RABEP1: variants seen among roughly 807,000 people sequenced by gnomAD.
RABEP1 encodes the protein rabaptin, RAB GTPase binding effector protein 1, also known as rab GTPase-binding effector protein 1.
In RABEP1, 51 loss-of-function variants were observed where a neutral mutation model predicts 123.4. The ratio of observed to expected loss-of-function variants is 0.41; its 90% CI spans 0.33 to 0.52. RABEP1 has a LOEUF of 0.52. Among genes scored for constraint, RABEP1 ranks in the 20% least tolerant of loss-of-function variants. The pLI is 0.16. For missense variants in RABEP1, 888 were observed against 996.3 expected (o/e 0.89, Z 1.46); for synonymous variants, 347 against 355.2 (o/e 0.98, Z 0.26).
At chr17:5,376,691 GTAAA>G (rs1439175285) in intron 13 of RABEP1, among the ~76,000 whole-genome samples, 4 of 152,156 alleles carry the variant, frequency 2.6e-5, no homozygotes, top group South Asian at 2.1e-4. Context: ...AAGTGAGTAA[GTAAA>G]TAAATGTTAT....
In RABEP1 at chr17:5,288,036, T is replaced by C. The variant is rs550342776; in HGVS notation, c.34+5516T>C. On this transcript the variant is annotated intron_variant, in intron 1 of 17. Transcript: ENST00000537505. ...ATTTTGAAAGTATGGCCAACAGGAT[T>C]TGCTGACGGATTGAATATGGGATGC... Among the ~76,000 whole-genome samples the C allele has an allele frequency of 2.6e-5, 4 of 152,168 alleles. No homozygotes were observed. In the East Asian group the frequency reaches 5.8e-4, roughly 22 times the overall value.
chr17:5,347,405 A>G (rs914975317), intron 6 of RABEP1, among the ~76,000 whole-genome samples: 5 of 141,486 alleles, frequency 3.5e-5, no homozygotes, highest in African/African-American at 1.4e-4. Flanking sequence ...GCGAGACTTC[A>G]TCTCAAAACA....
intron 2 of RABEP1, among the ~76,000 whole-genome samples, chr17:5,319,156 C>G (rs983686237): frequency 9.2e-5 from 14 of 151,578 alleles, no homozygotes; most frequent in Admixed American, 2.0e-4. Flanking sequence ...ATGGTGAAAC[C>G]CCGTCTCTGC....
chr17:5,350,728 C>A, intron 7 of RABEP1, 99 bp downstream of exon 7: 1 of 1,308,616 alleles, frequency 7.6e-7, no homozygotes, highest in East Asian at 2.5e-5. Context: ...ACTTAAGCTG[C>A]AACAAGGTGA....
intron 2 of RABEP1, among the ~76,000 whole-genome samples, chr17:5,328,668 AAAAG>A (rs1367055004): frequency 1.3e-5 from 2 of 148,822 alleles, no homozygotes; most frequent in Admixed American, 1.3e-4. Flanking sequence ...AAAAAAAAAA[AAAAG>A]CCGGGCGCAG....
intron 4 of RABEP1, among the ~76,000 whole-genome samples, chr17:5,337,671 T>C (rs944965452): frequency 1.3e-5 from 2 of 152,124 alleles, no homozygotes; most frequent in East Asian, 3.8e-4. Flanking sequence ...CCAGCCTGGG[T>C]GACAGAGCGA....
rs1449726281 is a variant in RABEP1 at position 5,346,815 on chromosome 17, A to C, written c.674A>C (p.Glu225Ala). The C allele has an allele frequency of 1.3e-6, 2 of 1,577,742 alleles. No homozygotes were observed. The highest frequency in any genetic ancestry group is 1.7e-6 in the Non-Finnish European group (2 of 1,159,528). Residue 225 changes from glutamate (E) to alanine (A), a missense_variant, in exon 6 of 18, where the codon GAA becomes GCA. Glu to Ala is a moderately radical substitution (Grantham distance 107). Transcript: ENST00000537505. ...SKVKELNHYL[E>A]AEKSCRTDLE... ...GTTAAAGAACTGAATCATTATCTGG[A>C]AGCTGAGAAATCTTGTAGGACTGAT...
Position 5,381,473 on chromosome 17 carries a change from AGG to A in RABEP1, c.2457_2458del (p.Asp820PhefsTer19), listed in dbSNP as rs1365558186. 1 of 1,613,728 alleles carries A rather than the reference AGG, an allele frequency of 6.2e-7. No individual in the cohort carries two copies. Among genetic ancestry groups the A allele is most frequent in the East Asian group, 2.2e-5 (1 of 44,826 alleles). On this transcript the variant is annotated frameshift_variant, in exon 17 of 18. Transcript: ENST00000537505. LOFTEE classifies it high-confidence loss of function. ...ATTAGATGTCAGTGAGCAAGTCCAGAGGGATTTTGTAAAGCTTTCACAGACCC... is the reference window on the plus strand; with the variant it reads ...ATTAGATGTCAGTGAGCAAGTCCAGAGATTTTGTAAAGCTTTCACAGACCC... ...TELDVSEQVQ[R>X]DFVKLSQTLQ...
At chr17:5,306,538 G>C (rs2075181072) in intron 1 of RABEP1, among the ~76,000 whole-genome samples, 1 of 151,874 alleles carries the variant, frequency 6.6e-6, no homozygotes, top group Non-Finnish European at 1.5e-5. Context: ...TGAGGCAGAA[G>C]AATTGCTTGA....
chr17:5,287,318 A>G (rs565419947), intron 1 of RABEP1, among the ~76,000 whole-genome samples: 1 of 152,230 alleles, frequency 6.6e-6, no homozygotes, highest in East Asian at 1.9e-4. Flanking sequence ...TGTGCCTGAC[A>G]AACAGTATAC....
intron 5 of RABEP1, among the ~76,000 whole-genome samples, chr17:5,345,729 G>A (rs1295496881): frequency 1.3e-5 from 2 of 152,100 alleles, no homozygotes; most frequent in African/African-American, 4.8e-5. Flanking sequence ...GGTCATTTAA[G>A]TCTTTGACTA....
In RABEP1 at chr17:5,368,420, GT is replaced by G; in HGVS notation, c.1838del (p.Leu613TyrfsTer19). 1 of 1,613,834 alleles carries G rather than the reference GT, an allele frequency of 6.2e-7. No homozygotes were observed. Among genetic ancestry groups the G allele is most frequent in the Non-Finnish European group, 8.5e-7 (1 of 1,179,934 alleles). On this transcript the variant is annotated frameshift_variant, in exon 12 of 18. Transcript: ENST00000537505. LOFTEE classifies it high-confidence loss of function. ...AGGCCTCCGAGATCTTACTTGAAGA[GT>G]TACAGCAGGGGCTTTCCCAGGCAAA... ...AQASEILLEE[L>X]QQGLSQAKRD...
intron 8 of RABEP1, chr17:5,356,477 A>G (rs1909027390): frequency 5.9e-6 from 1 of 168,456 alleles, no homozygotes; most frequent in Non-Finnish European, 1.3e-5. Flanking sequence ...TCTCTACAAA[A>G]TGTTCATTAT....
intron 1 of RABEP1, among the ~76,000 whole-genome samples, chr17:5,297,463 A>G (rs988994865): frequency 3.9e-5 from 6 of 152,176 alleles, no homozygotes; most frequent in Non-Finnish European, 7.4e-5. Flanking sequence ...AATCTCCTCT[A>G]TTAAACACCT....
At chr17:5,331,580 G>T (rs1397342473) in intron 2 of RABEP1, among the ~76,000 whole-genome samples, 1 of 152,156 alleles carries the variant, frequency 6.6e-6, no homozygotes, top group East Asian at 1.9e-4. Context: ...AATGTTTGTG[G>T]AAGGTAATGT....
chr17:5,284,436 G>A (rs2074957933), intron 1 of RABEP1, among the ~76,000 whole-genome samples: 1 of 151,910 alleles, frequency 6.6e-6, no homozygotes, highest in Admixed American at 6.6e-5. Context: ...CCTTGTGTCA[G>A]TGCCTTAGAA....
intron 2 of RABEP1, among the ~76,000 whole-genome samples, chr17:5,323,573 TC>T (rs1905599362): frequency 6.6e-6 from 1 of 151,292 alleles, no homozygotes; most frequent in Non-Finnish European, 1.5e-5. Flanking sequence ...GAAAAAGAAA[TC>T]AAAGCAATCT....
chr17:5,316,422 C>G (rs1407007474), intron 2 of RABEP1, among the ~76,000 whole-genome samples: 1 of 111,206 alleles, frequency 9.0e-6, no homozygotes, highest in Non-Finnish European at 1.7e-5. Context: ...TGCATTCCAC[C>G]GTGGGCGACA....
At chr17:5,346,443 G>C (rs1908069752) in intron 5 of RABEP1, among the ~76,000 whole-genome samples, 1 of 152,126 alleles carries the variant, frequency 6.6e-6, no homozygotes. Context: ...ATTTAAAAAA[G>C]CAAAACATAC....
Sources: gnomAD v4.1 joint callset for allele counts (sites outside exome capture counted in the v4.1 genomes callset) on GRCh38, gnomAD v4.1.1 for gene constraint, MANE v1.5 for transcripts, NCBI Gene and HGNC (gene_info 2026-07-23, HGNC 2026-07-21) for gene names.